Variants in PPP1R1C observed in about 807,000 individuals in gnomAD.
PPP1R1C encodes protein phosphatase 1 regulatory subunit 1C.
A neutral mutation model predicts 17.4 loss-of-function variants in PPP1R1C; 15 were observed. That is an observed-to-expected ratio of 0.86 (90% CI 0.58 to 1.33). The LOEUF is 1.33. Among genes scored for constraint, PPP1R1C ranks in the 40% most tolerant of loss-of-function variants. The pLI is 0.00. For synonymous variants in PPP1R1C, 35 were observed against 43.1 expected (o/e 0.81, Z 0.73); for missense variants, 143 against 130.0 (o/e 1.10, Z -0.48).
At chr2:182,061,300 C>T (rs961013851) in intron 2 of PPP1R1C, 142 bp from the exon 3 acceptor site, 1 of 588,616 alleles carries the variant, frequency 1.7e-6, no homozygotes, top group Non-Finnish European at 2.8e-6. Flanking sequence ...CCTCTGTCCT[C>T]CTCTCCTTCT....
At chr2:182,025,067 A>G (rs563946902) in intron 2 of PPP1R1C, among the ~76,000 whole-genome samples, 43 of 150,956 alleles carry the variant, frequency 2.8e-4, no homozygotes, top group Non-Finnish European at 5.3e-4. Context: ...CATGTACTGC[A>G]TAAATTTGTG....
intron 2 of PPP1R1C, among the ~76,000 whole-genome samples, chr2:182,024,206 G>C (rs1000852916): frequency 1.3e-5 from 2 of 152,158 alleles, no homozygotes. Context: ...AGTTAAAAAG[G>C]ACTTAGCATG....
intron 2 of PPP1R1C, among the ~76,000 whole-genome samples, chr2:182,032,064 C>G (rs1686859088): frequency 6.6e-6 from 1 of 152,124 alleles, no homozygotes; most frequent in South Asian, 2.1e-4. Flanking sequence ...GTAACTTGTT[C>G]TTTCCTAAAC....
chr2:182,087,153 A>T (rs1230557245), intron 4 of PPP1R1C, among the ~76,000 whole-genome samples: 1 of 152,206 alleles, frequency 6.6e-6, no homozygotes, highest in African/African-American at 2.4e-5. Context: ...GATAGTTTTC[A>T]CCTGGACTAC....
chr2:181,983,687 A>G (rs1685235860), upstream of PPP1R1C, among the ~76,000 whole-genome samples: 1 of 152,248 alleles, frequency 6.6e-6, no homozygotes, highest in South Asian at 2.1e-4. Context: ...TATCTACTCA[A>G]CAAATATTTG....
At chr2:182,076,181 CTTTTT>C (rs1319925818) in intron 4 of PPP1R1C, among the ~76,000 whole-genome samples, 1 of 47,486 alleles carries the variant, frequency 2.1e-5, no homozygotes, top group East Asian at 6.4e-4. Flanking sequence ...GGATTTTGAA[CTTTTT>C]TTTTTCTTTT....
rs1337088023 is a variant in PPP1R1C at position 181,986,045 on chromosome 2, C to T, written c.-66C>T. 1 of 1,260,014 alleles carries T rather than the reference C, an allele frequency of 7.9e-7. No homozygotes were observed. The highest frequency in any genetic ancestry group is 1.2e-6 in the Non-Finnish European group (1 of 858,176). 78.1% of individuals were successfully genotyped at this position (1,260,014 alleles called of 1,614,324 possible). A position where few individuals can be genotyped will look rare whatever the true frequency, so the allele number is the denominator to read the frequency against. On this transcript the variant is annotated 5_prime_UTR_variant, in exon 1 of 5. Coordinates refer to ENST00000682840, the MANE Select transcript of PPP1R1C (RefSeq NM_001080545.3). ...GTGGAGTGTGTCTGAGGAAACACAT[C>T]CCGGACACCACTTAGGGTTAGTCTT... is the stretch of plus-strand genomic sequence containing the variant.
chr2:182,057,753 C>T (rs1687729619), intron 2 of PPP1R1C, among the ~76,000 whole-genome samples: 1 of 152,082 alleles, frequency 6.6e-6, no homozygotes, highest in Admixed American at 6.6e-5. Flanking sequence ...CTATATAACA[C>T]TTTTAAATGA....
At chr2:182,075,016 G>C (rs1267132064) in intron 4 of PPP1R1C, among the ~76,000 whole-genome samples, 3 of 152,146 alleles carry the variant, frequency 2.0e-5, no homozygotes, top group Admixed American at 6.5e-5. Flanking sequence ...AGCAGGATAA[G>C]AATGTTCAAA....
At chr2:182,094,860 A>G (rs886472299) in intron 4 of PPP1R1C, among the ~76,000 whole-genome samples, 1 of 152,230 alleles carries the variant, frequency 6.6e-6, no homozygotes, top group Non-Finnish European at 1.5e-5. Flanking sequence ...TCAATAGGCT[A>G]GGTATATTAG....
At chr2:182,020,072 G>A (rs865796553) in intron 2 of PPP1R1C, among the ~76,000 whole-genome samples, 1 of 152,226 alleles carries the variant, frequency 6.6e-6, no homozygotes, top group African/African-American at 2.4e-5. Context: ...AGCCTCATTA[G>A]AGACATAATT....
Position 182,084,470 on chromosome 2 carries a change from C to G in PPP1R1C, c.241+20679C>G, listed in dbSNP as rs559574931. 5.3e-4 allele frequency among the ~76,000 whole-genome samples: 80 copies of G among 152,180 alleles called. 3 individuals are homozygous for G. In the South Asian group the frequency reaches 0.014, roughly 27 times the overall value. On this transcript the variant is annotated intron_variant, in intron 4 of 4. Coordinates refer to ENST00000682840, the MANE Select transcript of PPP1R1C (RefSeq NM_001080545.3). ...GTGGTGAGAGAGAAGGACCCTGTTTCATTCTTCTACATGTGGCTATCCAGT... is the reference window on the plus strand; with the variant it reads ...GTGGTGAGAGAGAAGGACCCTGTTTGATTCTTCTACATGTGGCTATCCAGT...
chr2:182,071,545 C>T (rs989498218), intron 4 of PPP1R1C, among the ~76,000 whole-genome samples: 4 of 152,054 alleles, frequency 2.6e-5, no homozygotes, highest in South Asian at 2.1e-4. Context: ...TTTTTTACTC[C>T]GTTTCCATAC....
At chr2:181,999,985 G>T (rs1382328610) in intron 2 of PPP1R1C, among the ~76,000 whole-genome samples, 1 of 152,144 alleles carries the variant, frequency 6.6e-6, no homozygotes, top group South Asian at 2.1e-4. Context: ...TGACCGATTT[G>T]TGCACATACA....
At chr2:182,064,385 A>G (rs1687929403) in intron 4 of PPP1R1C, among the ~76,000 whole-genome samples, 2 of 152,112 alleles carry the variant, frequency 1.3e-5, no homozygotes, top group South Asian at 4.1e-4. Flanking sequence ...CAGGGAAAGC[A>G]TCTCTTATTT....
chr2:181,973,596 G>A (rs1227756654), intron 1 of PPP1R1C, among the ~76,000 whole-genome samples: 1 of 152,146 alleles, frequency 6.6e-6, no homozygotes, highest in Non-Finnish European at 1.5e-5. Flanking sequence ...AATAAAAAAG[G>A]CAAGACGAAT....
chr2:182,035,250 G>A (rs768433876), intron 2 of PPP1R1C, among the ~76,000 whole-genome samples: 12 of 152,102 alleles, frequency 7.9e-5, no homozygotes, highest in Non-Finnish European at 1.3e-4. Flanking sequence ...TGGCAAAAAT[G>A]GTTGTTATTA....
At chr2:181,972,296 G>A (rs1480728756) in intron 1 of PPP1R1C, among the ~76,000 whole-genome samples, 2 of 152,184 alleles carry the variant, frequency 1.3e-5, no homozygotes, top group South Asian at 2.1e-4. Flanking sequence ...ATATACTTCA[G>A]TAAGTCAGAG....
In PPP1R1C at chr2:181,967,455, ACT is replaced by A. The variant is rs1196267030; in HGVS notation, n.112-7763_112-7762del. 6.6e-6 allele frequency among the ~76,000 whole-genome samples: 1 copy of A among 151,990 alleles called. No homozygotes were observed. Among genetic ancestry groups the A allele is most frequent in the East Asian group, 1.9e-4 (1 of 5,186 alleles). ...TATTGCTATAAACTTTCTTCTTAGT[ACT>A]GTTTTTGCTGTATCCTACAGGTTTT... On this transcript the variant is annotated intron_variant and non_coding_transcript_variant, in intron 1 of 5. Coordinates refer to the PPP1R1C transcript ENST00000464264. The surrounding 1 kb of genome is among the most constrained non-coding windows in gnomAD (Gnocchi z 5.5).
Sources: gnomAD v4.1 joint callset for allele counts (sites outside exome capture counted in the v4.1 genomes callset) on GRCh38, gnomAD v4.1.1 for gene constraint, Gnocchi (gnomAD v3.1) non-coding constraint, MANE v1.5 for transcripts, NCBI Gene and HGNC (gene_info 2026-07-23, HGNC 2026-07-21) for gene names.